The following CC2D2B variants were observed in gnomAD, a reference collection of about 807,000 sequenced individuals.
CC2D2B encodes coiled-coil and C2 domain containing 2B, also known as protein CC2D2B.
CC2D2B carries 128 observed loss-of-function variants against 161.2 expected under a neutral mutation model. The observed-to-expected ratio is 0.79, with a 90% confidence interval of 0.69 to 0.92. The LOEUF is 0.92. Among genes scored for constraint, CC2D2B ranks in the 40% least tolerant of loss-of-function variants. The probability of loss-of-function intolerance (pLI) is 0.00; values close to 1 mark genes in which losing one functional copy is unlikely to be tolerated. For missense variants in CC2D2B, 1,173 were observed against 1,375.1 expected (o/e 0.85, Z 2.32); for synonymous variants, 391 against 449.8 (o/e 0.87, Z 1.65).
intron 9 of CC2D2B, among the ~76,000 whole-genome samples, chr10:95,947,259 C>T (rs1431732550): frequency 2.7e-5 from 4 of 150,142 alleles, no homozygotes. Flanking sequence ...ATTACAGGGA[C>T]CCATCACCAC....
chr10:95,956,271 A>G (rs2076563800), intron 11 of CC2D2B, among the ~76,000 whole-genome samples: 1 of 152,142 alleles, frequency 6.6e-6, no homozygotes, highest in Admixed American at 6.6e-5. Context: ...ACAGTTTACA[A>G]CCTCTTCTAT....
chr10:95,918,592 A>G (rs2098520951), intron 2 of CC2D2B, among the ~76,000 whole-genome samples: 1 of 152,164 alleles, frequency 6.6e-6, no homozygotes, highest in African/African-American at 2.4e-5. Context: ...ATCTTGAGGT[A>G]GTCTCATTGG....
At chr10:96,018,280 CA>C (rs1348770466) in intron 30 of CC2D2B, among the ~76,000 whole-genome samples, 1 of 152,180 alleles carries the variant, frequency 6.6e-6, no homozygotes, top group Non-Finnish European at 1.5e-5. Flanking sequence ...TCTTTCAGAG[CA>C]AAATAATAAC....
At chr10:95,908,906 T>C (rs2098501107) in intron 1 of CC2D2B, among the ~76,000 whole-genome samples, 1 of 152,046 alleles carries the variant, frequency 6.6e-6, no homozygotes, top group Non-Finnish European at 1.5e-5. Context: ...TAGATGTAAA[T>C]TTTCAAAATA....
At chr10:96,031,151 A>G (rs754440085) in intron 34 of CC2D2B, among the ~76,000 whole-genome samples, 6 of 152,172 alleles carry the variant, frequency 3.9e-5, no homozygotes, top group Non-Finnish European at 5.9e-5. Context: ...CACAGGACAG[A>G]TACAGTCTTG....
At chr10:95,934,907 G>A (rs1394415586) in intron 6 of CC2D2B, among the ~76,000 whole-genome samples, 3 of 152,124 alleles carry the variant, frequency 2.0e-5, no homozygotes, top group African/African-American at 7.2e-5. Flanking sequence ...GTCTTGGTCT[G>A]TCACCCAGGC....
chr10:95,972,744 C>G (rs1173850248), intron 16 of CC2D2B, among the ~76,000 whole-genome samples: 1 of 152,180 alleles, frequency 6.6e-6, no homozygotes, highest in Non-Finnish European at 1.5e-5. Flanking sequence ...TTTTTGCAGG[C>G]CATCCAAGGC....
At chr10:95,967,660 T>G (rs752193197) in intron 14 of CC2D2B, among the ~76,000 whole-genome samples, 3 of 152,186 alleles carry the variant, frequency 2.0e-5, no homozygotes, top group Non-Finnish European at 4.4e-5. Flanking sequence ...CAACAAACTT[T>G]TAAAATCAAA....
At position 96,012,370 on chromosome 10, in the gene CC2D2B, A is replaced by C; in HGVS notation, c.3228+3A>C. The C allele has an allele frequency of 1.5e-6, 1 of 679,730 alleles. No individual in the cohort carries two copies. The highest frequency in any genetic ancestry group is 2.7e-6 in the Non-Finnish European group (1 of 375,622). The allele number at this position is 679,730 out of a possible 1,614,324, so 42.1% of individuals were successfully genotyped here. A position where few individuals can be genotyped will look rare whatever the true frequency, so the allele number is the denominator to read the frequency against. On this transcript the variant is annotated splice_donor_region_variant and intron_variant, in intron 27 of 34. Coordinates refer to ENST00000646931, the MANE Select transcript of CC2D2B (RefSeq NM_001349008.3). ...CCTGTAATCCAACACTAGATAAGGTAGGTTTTACATTGAATTTCTTTTATA... is the reference window on the plus strand; with the variant it reads ...CCTGTAATCCAACACTAGATAAGGTCGGTTTTACATTGAATTTCTTTTATA...
intron 31 of CC2D2B, 57 bp downstream of exon 31, chr10:96,019,394 C>A: frequency 6.7e-7 from 1 of 1,482,944 alleles, no homozygotes; most frequent in Non-Finnish European, 9.2e-7. Flanking sequence ...ACCCTGGCTA[C>A]ACACTAGAAT....
intron 10 of CC2D2B, among the ~76,000 whole-genome samples, chr10:95,955,123 T>C (rs2076530156): frequency 6.6e-6 from 1 of 152,130 alleles, no homozygotes; most frequent in African/African-American, 2.4e-5. Context: ...CATTTCTTTA[T>C]ATCAATTGAT....
chr10:95,997,914 A>G (rs1016206916), intron 24 of CC2D2B, among the ~76,000 whole-genome samples: 2 of 152,196 alleles, frequency 1.3e-5, no homozygotes, highest in South Asian at 2.1e-4. Flanking sequence ...ACTCTTTTCT[A>G]AAGTGATTAT....
chr10:95,972,468 C>T (rs1262042720), intron 16 of CC2D2B, among the ~76,000 whole-genome samples: 2 of 152,110 alleles, frequency 1.3e-5, no homozygotes, highest in Non-Finnish European at 2.9e-5. Flanking sequence ...TCCCTGCCAC[C>T]ACGCCCATCT....
chr10:95,926,398 A>G (rs946630068), intron 5 of CC2D2B, among the ~76,000 whole-genome samples: 1 of 152,150 alleles, frequency 6.6e-6, no homozygotes, highest in Non-Finnish European at 1.5e-5. Flanking sequence ...CAATTCATAT[A>G]AGCAGCATTG....
rs56195141 is a variant in CC2D2B, at chr10:96,029,241, C to CAT, written c.4125+1895_4125+1896dup. 8.8e-3 allele frequency among the ~76,000 whole-genome samples: 591 copies of CAT among 67,024 alleles called. 14 individuals carry two copies. The highest frequency in any genetic ancestry group is 0.015 in the Non-Finnish European group (427 of 28,078). The allele number at this position is 67,024 out of a possible 152,430, so 44.0% of individuals were successfully genotyped here. A position where few individuals can be genotyped will look rare whatever the true frequency, so the allele number is the denominator to read the frequency against. Reference sequence around the variant, plus strand: ...CATATCAAAATATCTTTTCATGTACCATATATATATATATATATATATATA... The same window carrying CAT: ...CATATCAAAATATCTTTTCATGTACCATATATATATATATATATATATATATA... On this transcript the variant is annotated intron_variant, in intron 34 of 34. Coordinates refer to ENST00000646931, the MANE Select transcript of CC2D2B (RefSeq NM_001349008.3).
intron 2 of CC2D2B, among the ~76,000 whole-genome samples, chr10:95,917,593 T>C (rs2098518831): frequency 6.6e-6 from 1 of 152,192 alleles, no homozygotes; most frequent in African/African-American, 2.4e-5. Context: ...CAATGAGGCC[T>C]ACAAACAACA....
intron 30 of CC2D2B, among the ~76,000 whole-genome samples, chr10:96,017,663 G>A (rs566230282): frequency 1.3e-5 from 2 of 152,256 alleles, no homozygotes; most frequent in Admixed American, 1.3e-4. Context: ...GAGCATGGTG[G>A]CTCATGCCTA....
intron 5 of CC2D2B, among the ~76,000 whole-genome samples, chr10:95,925,299 C>A (rs532192568): frequency 1.2e-4 from 19 of 152,214 alleles, no homozygotes; most frequent in African/African-American, 3.9e-4. Context: ...CTTAAAGTTC[C>A]TAGTTAGAGA....
chr10:95,996,039 A>G (rs2078218620), intron 23 of CC2D2B, 104 bp from the exon 24 acceptor site: 4 of 434,246 alleles, frequency 9.2e-6, no homozygotes, highest in East Asian at 3.4e-5. Flanking sequence ...TTGAAAAACT[A>G]GAAAACTTAA....
Sources: allele counts gnomAD v4.1 joint callset (sites outside exome capture counted in the v4.1 genomes callset), GRCh38; gene constraint gnomAD v4.1.1; transcripts MANE v1.5; gene names NCBI Gene and HGNC (gene_info 2026-07-23, HGNC 2026-07-21).